ADAMTS13: variants seen among roughly 807,000 people sequenced by gnomAD.
ADAMTS13 encodes A disintegrin and metalloproteinase with thrombospondin motifs 13.
ADAMTS13 carries 110 observed loss-of-function variants against 155.1 expected under a neutral mutation model. That is an observed-to-expected ratio of 0.71 (90% CI 0.61 to 0.83). The LOEUF (loss-of-function observed/expected upper bound fraction) is 0.83. Ranked by LOEUF, ADAMTS13 falls within the 40% of genes least tolerant of loss-of-function variation. The pLI, the probability that ADAMTS13 is intolerant of heterozygous loss-of-function variation, is 0.00. For missense variants in ADAMTS13, 1,707 were observed against 1,891.7 expected, an observed-to-expected ratio of 0.90 and a Z score of 1.81; for synonymous variants, 758 against 756.4, an observed-to-expected ratio of 1.00 and a Z score of -0.03.
intron 8 of ADAMTS13, among the ~76,000 whole-genome samples, chr9:133,431,534 G>T (rs900018509): frequency 1.3e-5 from 2 of 151,992 alleles, no homozygotes; most frequent in South Asian, 4.1e-4. Flanking sequence ...CATCATGTTG[G>T]CCGGGCTGGT....
intron 21 of ADAMTS13, 55 bp from the exon 22 acceptor site, chr9:133,448,544 C>T: frequency 3.1e-6 from 5 of 1,601,678 alleles, no homozygotes; most frequent in Middle Eastern, 1.7e-4. Flanking sequence ...GCCTGGGCTG[C>T]AGTCCTTGCT....
At chr9:133,449,383 T>C (rs1050361155) in intron 22 of ADAMTS13, among the ~76,000 whole-genome samples, 2 of 150,278 alleles carry the variant, frequency 1.3e-5, no homozygotes, top group African/African-American at 4.9e-5. Context: ...GGGAATGCAG[T>C]TTGATGGATG....
chr9:133,443,348 G>T, intron 18 of ADAMTS13, 28 bp from the exon 19 acceptor site: 2 of 1,578,276 alleles, frequency 1.3e-6, no homozygotes, highest in African/African-American at 1.3e-5. Flanking sequence ...ACCTGGCCAG[G>T]GTCCCGACGC....
chr9:133,443,653 CCTG>C, intron 19 of ADAMTS13, 92 bp downstream of exon 19: 1 of 1,382,142 alleles, frequency 7.2e-7, no homozygotes. Flanking sequence ...ATCCCCTCCT[CCTG>C]AGGCCTCCGG....
chr9:133,428,285 A>G (rs1046293822), intron 6 of ADAMTS13, among the ~76,000 whole-genome samples: 1 of 152,280 alleles, frequency 6.6e-6, no homozygotes, highest in Non-Finnish European at 1.5e-5. Flanking sequence ...TCCCCAGAGC[A>G]GCCCTTCAAG....
intron 18 of ADAMTS13, among the ~76,000 whole-genome samples, chr9:133,443,122 C>T (rs781935805): frequency 6.6e-5 from 10 of 152,362 alleles, no homozygotes; most frequent in African/African-American, 2.4e-4. Context: ...GCTGTCACCA[C>T]ACCTGACGGG....
At chr9:133,422,289 C>A, upstream of ADAMTS13, 1 of 727,960 alleles carries the variant, frequency 1.4e-6, no homozygotes, top group Non-Finnish European at 2.3e-6. Context: ...ACCCTAGCCA[C>A]GGCCCCTGCC....
chr9:133,458,777 CCTGA>C (rs1332051415), intron 28 of ADAMTS13, among the ~76,000 whole-genome samples, 193 bp from the exon 29 acceptor site: 1 of 152,178 alleles, frequency 6.6e-6, no homozygotes, highest in African/African-American at 2.4e-5. Flanking sequence ...GCTCTGGCAC[CCTGA>C]CTGTGTGTCC....
chr9:133,458,548 T>G (rs1224007996), intron 28 of ADAMTS13, among the ~76,000 whole-genome samples: 1 of 15,410 alleles, frequency 6.5e-5, no homozygotes, highest in African/African-American at 1.3e-4. Flanking sequence ...AGAGTGAGAC[T>G]CTGTCTCAAA....
Position 133,428,760 on chromosome 9 carries a change from G to C in ADAMTS13, c.813G>C (p.Leu271=). The change falls in exon 7 of 29, where the codon CTG becomes CTC. Residue 271 remains leucine, a synonymous_variant. Coordinates refer to ENST00000355699, the MANE Select transcript of ADAMTS13 (RefSeq NM_139027.6). ...AWSPCSRRQL[L]SLLSAGRARC... is the part of the protein sequence containing the mutation. ...CCCCCTGCAGCCGCCGGCAGCTGCT[G>C]AGCCTGCTCAGGTAGCGGCCGCCCC... The C allele has an allele frequency of 7.4e-7, 1 of 1,349,332 alleles. No homozygotes were observed. The highest frequency in any genetic ancestry group is 1.8e-5 in the South Asian group (1 of 56,588). The allele number at this position is 1,349,332 out of a possible 1,614,324, so 83.6% of individuals were successfully genotyped here.
rs1564432153 is a variant in ADAMTS13 at position 133,445,026 on chromosome 9, A to G, written c.2584A>G (p.Met862Val). The G allele has an allele frequency of 6.2e-7, 1 of 1,613,338 alleles. No individual in the cohort carries two copies. The highest frequency in any genetic ancestry group is 8.5e-7 in the Non-Finnish European group (1 of 1,179,984). ...GCCTGCCCCTGAGCCCTGTGTCGGG[A>G]TGTCATGTCCTCCAGGCTGGGGCCA... ...KLPAPEPCVG[M>V]SCPPGWGHLD... The change falls in exon 20 of 29, where the codon ATG becomes GTG. Residue 862 changes from methionine (M) to valine (V), a missense_variant. By Grantham distance (21) the Met-to-Val change is conservative. Coordinates refer to ENST00000355699, the MANE Select transcript of ADAMTS13 (RefSeq NM_139027.6). This position sits in a 1 kb window ranked among gnomAD's most constrained non-coding sequence, Gnocchi z 5.0.
At chr9:133,419,888 G>A (rs782794104), upstream of ADAMTS13, among the ~76,000 whole-genome samples, 3 of 149,486 alleles carry the variant, frequency 2.0e-5, no homozygotes, top group African/African-American at 7.4e-5. Flanking sequence ...ACAGGTGCAC[G>A]CCACCATGCC....
chr9:133,437,001 G>A (rs781794028), intron 12 of ADAMTS13, 46 bp downstream of exon 12: 14 of 1,574,424 alleles, frequency 8.9e-6, no homozygotes, highest in Non-Finnish European at 1.2e-5. Context: ...CAGCCCTGGA[G>A]ACCCTCGGAC....
chr9:133,418,319 G>C (rs1352962147), upstream of ADAMTS13, among the ~76,000 whole-genome samples: 1 of 152,220 alleles, frequency 6.6e-6, no homozygotes, highest in East Asian at 1.9e-4. Context: ...AGTGAGAGCC[G>C]GGCTAGGTCG....
chr9:133,422,496 T>G lies in ADAMTS13; in HGVS notation c.53T>G (p.Ile18Ser). ...TGCCCTCCCCTCTGTGTGGCCGGAA[T>G]CCTTGCCTGTGGCTTTCTCCTGGGC... is the stretch of plus-strand genomic sequence containing the variant. Reference protein sequence around the residue: ...ARCPPLCVAGILACGFLLGCW... With the variant: ...ARCPPLCVAGSLACGFLLGCW... The change falls in exon 1 of 29, where the codon ATC becomes AGC. Residue 18 changes from isoleucine to serine, a missense_variant. Ile to Ser is a moderately radical substitution (Grantham distance 142, BLOSUM62 -2). Coordinates refer to ENST00000355699, the MANE Select transcript of ADAMTS13 (RefSeq NM_139027.6). 6 of 1,614,136 alleles carry G rather than the reference T, an allele frequency of 3.7e-6. No individual in the cohort carries two copies. Among genetic ancestry groups the G allele is most frequent in the Non-Finnish European group, 5.1e-6 (6 of 1,180,032 alleles).
At chr9:133,431,088 T>C (rs1840731143) in intron 8 of ADAMTS13, among the ~76,000 whole-genome samples, 1 of 151,380 alleles carries the variant, frequency 6.6e-6, no homozygotes, top group African/African-American at 2.4e-5. Flanking sequence ...ACCTCGGCCT[T>C]GGAGTAGCTG....
At chr9:133,439,534 C>T in intron 15 of ADAMTS13, 88 bp downstream of exon 15, 1 of 1,231,452 alleles carries the variant, frequency 8.1e-7, no homozygotes, top group Non-Finnish European at 1.2e-6. Flanking sequence ...TCTGACATCA[C>T]CCGCAAGTTC....
At chr9:133,429,764 C>T in intron 7 of ADAMTS13, 175 bp from the exon 8 acceptor site, 2 of 887,458 alleles carry the variant, frequency 2.3e-6, no homozygotes, top group Non-Finnish European at 3.6e-6. Flanking sequence ...GAGCCTTAGT[C>T]TTGGTCCCAG....
chr9:133,440,435 C>T lies in ADAMTS13; in HGVS notation c.1878C>T (p.Val626=), dbSNP rs781945326. The change falls in exon 16 of 29, where the codon GTC becomes GTT. Residue 626 remains valine, a synonymous_variant. Coordinates refer to ENST00000355699, the MANE Select transcript of ADAMTS13 (RefSeq NM_139027.6). This position sits in a 1 kb window ranked among gnomAD's most constrained non-coding sequence, Gnocchi z 4.3. ...TYPSLLEDGR[V]EYRVALTEDR... is the part of the protein sequence containing the mutation. ...CCTCCCTCCTGGAGGATGGTCGTGT[C>T]GAGTACAGAGTGGCCCTCACCGAGG... 1.7e-5 allele frequency: 27 copies of T among 1,613,666 alleles called. No homozygotes were observed. Among genetic ancestry groups the T allele is most frequent in the Middle Eastern group, 1.6e-4 (1 of 6,084 alleles).
Sources: gnomAD v4.1 joint callset for allele counts (sites outside exome capture counted in the v4.1 genomes callset) on GRCh38, gnomAD v4.1.1 for gene constraint, Gnocchi (gnomAD v3.1) non-coding constraint, MANE v1.5 for transcripts, NCBI Gene and HGNC (gene_info 2026-07-23, HGNC 2026-07-21) for gene names.